AOC1: variants seen among roughly 807,000 people sequenced by gnomAD.
AOC1 encodes amine oxidase copper containing 1.
In AOC1, 58 loss-of-function variants were observed where a neutral mutation model predicts 57.1. The ratio of observed to expected loss-of-function variants is 1.02; its 90% CI spans 0.82 to 1.26. AOC1 has a LOEUF of 1.26. Among genes scored for constraint, AOC1 ranks in the 50% most tolerant of loss-of-function variants. The pLI, the probability that AOC1 is intolerant of heterozygous loss-of-function variation, is 0.00. For missense variants in AOC1, 917 were observed against 1,005.3 expected (o/e 0.91, Z 1.19); for synonymous variants, 401 against 423.4 (o/e 0.95, Z 0.65).
At position 150,857,484 on chromosome 7, in the gene AOC1, C is replaced by T. The variant is rs201287293; in HGVS notation, c.1014C>T (p.Asn338=). 5.0e-6 allele frequency: 8 copies of T among 1,613,218 alleles called. No homozygotes were observed. The highest frequency in any genetic ancestry group is 1.3e-5 in the African/African-American group (1 of 74,932). The part of the protein sequence containing the change: ...LRSSSGLQVL[N]VHFGGERIAY... ...CCTCCTCCGGGCTGCAGGTCCTGAA[C>T]GTGCACTTCGGCGGAGAGCGCATTG... Residue 338 remains asparagine (N), a synonymous_variant, in exon 2 of 5, where the codon AAC becomes AAT. Transcript: ENST00000360937. The surrounding 1 kb of genome is among the most constrained non-coding windows in gnomAD (Gnocchi z 6.6).
At position 150,861,214 on chromosome 7, in the gene AOC1, C is replaced by A; in HGVS notation, c.*5C>A. 8 of 1,560,130 alleles carry A rather than the reference C, an allele frequency of 5.1e-6. No individual in the cohort carries two copies. Among genetic ancestry groups the A allele is most frequent in the Non-Finnish European group, 7.0e-6 (8 of 1,145,938 alleles). On this transcript the variant is annotated 3_prime_UTR_variant, in exon 5 of 5. Coordinates refer to ENST00000360937, the MANE Select transcript of AOC1 (RefSeq NM_001091.4). This position sits in a 1 kb window ranked among gnomAD's most constrained non-coding sequence, Gnocchi z 4.5. ...GGGACCTATAGACCTGTGTGACCAG[C>A]CCCCAGTTCCTCCCCCAGTTCCTCC...
At chr7:150,854,512 C>T (rs992987554) in intron 1 of AOC1, among the ~76,000 whole-genome samples, 17 of 152,174 alleles carry the variant, frequency 1.1e-4, no homozygotes, top group Non-Finnish European at 2.9e-5. Context: ...GGGCCAAAAA[C>T]AGCATTCCTC....
Position 150,861,065 on chromosome 7 carries a change from G to GGACC in AOC1, c.2113_2116dup (p.Pro706ArgfsTer28). The stretch of plus-strand genomic sequence containing the variant: ...TCCGGCCATTCAACTTCTTCCCAGA[G>GGACC]GACCCCTCCCTGGCATCCAGAGACA... On this transcript the variant is annotated frameshift_variant, in exon 5 of 5. Coordinates refer to ENST00000360937, the MANE Select transcript of AOC1 (RefSeq NM_001091.4). LOFTEE classifies it high-confidence loss of function. The surrounding 1 kb of genome is among the most constrained non-coding windows in gnomAD (Gnocchi z 4.5). 1.2e-6 allele frequency: 2 copies of GGACC among 1,614,108 alleles called. No homozygotes were observed. Among genetic ancestry groups the GGACC allele is most frequent in the Non-Finnish European group, 1.7e-6 (2 of 1,179,996 alleles).
chr7:150,858,779 C>A lies in AOC1; in HGVS notation c.1587C>A (p.Phe529Leu), dbSNP rs2116839829. 6.2e-7 allele frequency: 1 copy of A among 1,606,790 alleles called. No homozygotes were observed. Among genetic ancestry groups the A allele is most frequent in the Non-Finnish European group, 8.5e-7 (1 of 1,174,090 alleles). ...DLDVAGTKNS[F>L]QTLQMKLENI... is the part of the protein sequence containing the mutation. ...TACCTCCAGGCACCAAGAACAGCTT[C>A]CAGACACTGCAGATGAAGCTAGAAA... The change falls in exon 3 of 5, where the codon TTC (phenylalanine) becomes TTA (leucine). Residue 529 changes from phenylalanine to leucine, a missense_variant. Transcript: ENST00000360937.
Position 150,857,564 on chromosome 7 carries a change from C to T in AOC1, c.1094C>T (p.Ala365Val). 1 of 1,614,018 alleles carries T rather than the reference C, an allele frequency of 6.2e-7. No individual in the cohort carries two copies. Among genetic ancestry groups the T allele is most frequent in the Non-Finnish European group, 8.5e-7 (1 of 1,179,994 alleles). Residue 365 changes from alanine to valine, a missense_variant, in exon 2 of 5, where the codon GCA becomes GTA. Ala to Val is a moderately conservative substitution (Grantham distance 64). Transcript: ENST00000360937. The surrounding 1 kb of genome is among the most constrained non-coding windows in gnomAD (Gnocchi z 6.6). ...GCGCTGTATGGAGGACACACACCTG[C>T]AGGCATGCAGACCAAGTACCTCGAT... ...AVALYGGHTP[A>V]GMQTKYLDVG...
chr7:150,859,882 G>A, intron 3 of AOC1: 1 of 154,538 alleles, frequency 6.5e-6, no homozygotes. Context: ...AACTCCAAAT[G>A]AAAGTGGACT....
At position 150,861,356 on chromosome 7, in the gene AOC1, G is replaced by GCACACACACACAGACGTGCA; in HGVS notation, c.*157_*158insCAGACGTGCACACACACACA. On this transcript the variant is annotated 3_prime_UTR_variant, in exon 5 of 5. Coordinates refer to ENST00000360937, the MANE Select transcript of AOC1 (RefSeq NM_001091.4). The surrounding 1 kb of genome is among the most constrained non-coding windows in gnomAD (Gnocchi z 4.5). ...GTGTAGGAAACACACGAACAGACGT[G>GCACACACACACAGACGTGCA]CACACACACAGACGTGCACACACAC... The GCACACACACACAGACGTGCA allele has an allele frequency of 3.8e-6, 3 of 779,592 alleles. No individual in the cohort carries two copies. The highest frequency in any genetic ancestry group is 5.9e-6 in the Non-Finnish European group (3 of 508,460). The allele number at this position is 779,592 out of a possible 1,614,324, so 48.3% of individuals were successfully genotyped here. A position where few individuals can be genotyped will look rare whatever the true frequency, so the allele number is the denominator to read the frequency against.
At chr7:150,852,349 G>T (rs1446317225), upstream of AOC1, 1 of 152,272 alleles carries the variant, frequency 6.6e-6, no homozygotes, top group Non-Finnish European at 1.5e-5. The surrounding 1 kb of genome is among the most constrained non-coding windows in gnomAD (Gnocchi z 4.6). Flanking sequence ...CTCAGGACAA[G>T]TGTGCTGCAC....
At position 150,856,433 on chromosome 7, in the gene AOC1, C is replaced by A; in HGVS notation, c.-16-22C>A. The A allele has an allele frequency of 6.4e-7, 1 of 1,574,072 alleles. No individual in the cohort carries two copies. Among genetic ancestry groups the A allele is most frequent in the Non-Finnish European group, 8.6e-7 (1 of 1,163,958 alleles). ...TCTCTGCCCATAAGACAACTAAGTT[C>A]ATCTCCTCTATTGCATTCCAGAGCC... On this transcript the variant is annotated intron_variant, in intron 1 of 4. Transcript: ENST00000360937. The surrounding 1 kb of genome is among the most constrained non-coding windows in gnomAD (Gnocchi z 5.2).
In AOC1 at chr7:150,860,562, C is replaced by T; in HGVS notation, c.1918C>T (p.Gln640Ter). 6.2e-7 allele frequency: 1 copy of T among 1,614,082 alleles called. No homozygotes were observed. Among genetic ancestry groups the T allele is most frequent in the Non-Finnish European group, 8.5e-7 (1 of 1,179,950 alleles). ...SELCSSSIYH[Q>*]NDPWHPPVVF... ...GCTGTGCAGCAGCAGCATCTACCAC[C>T]AGAACGACCCCTGGCACCCGCCCGT... Residue 640 changes from glutamine (Q) to a stop codon, truncating the protein, a stop_gained, in exon 4 of 5, where the codon CAG becomes TAG. Coordinates refer to ENST00000360937, the MANE Select transcript of AOC1 (RefSeq NM_001091.4). LOFTEE classifies it high-confidence loss of function.
Position 150,857,177 on chromosome 7 carries a change from T to C in AOC1, c.707T>C (p.Val236Ala), listed in dbSNP as rs1228795803. Residue 236 changes from valine (V) to alanine (A), a missense_variant, in exon 2 of 5, where the codon GTG (valine) becomes GCG (alanine). Val to Ala is a moderately conservative substitution (Grantham distance 64). Coordinates refer to ENST00000360937, the MANE Select transcript of AOC1 (RefSeq NM_001091.4). The surrounding 1 kb of genome is among the most constrained non-coding windows in gnomAD (Gnocchi z 6.6). ...TDAGHWAVEQ[V>A]WYNGKFYGSP... ...GCTGGGCACTGGGCCGTGGAGCAGG[T>C]GTGGTACAACGGGAAGTTCTATGGG... The C allele has an allele frequency of 6.2e-7, 1 of 1,613,632 alleles. No individual in the cohort carries two copies. Among genetic ancestry groups the C allele is most frequent in the South Asian group, 1.1e-5 (1 of 91,054 alleles).
At chr7:150,854,836 G>A (rs45506794) in intron 1 of AOC1, among the ~76,000 whole-genome samples, 156 of 152,302 alleles carry the variant, frequency 1.0e-3, no homozygotes, top group Non-Finnish European at 1.7e-3. Context: ...ACCCTGTGCC[G>A]CCGACTTTCC....
chr7:150,858,038 C>A lies in AOC1; in HGVS notation c.1568C>A (p.Ala523Glu). ...CACTACCGCGTAGACCTGGATGTGG[C>A]AGGTAGGACTCAAAGCGAGACTCTC... ...LVHYRVDLDV[A>E]GTKNSFQTLQ... Residue 523 changes from alanine to glutamate, a missense_variant and splice_region_variant, in exon 2 of 5, where the codon GCA (alanine) becomes GAA (glutamate). Physicochemically the swap from Ala to Glu is moderately radical, Grantham distance 107. Coordinates refer to ENST00000360937, the MANE Select transcript of AOC1 (RefSeq NM_001091.4). The A allele has an allele frequency of 6.6e-7, 1 of 1,510,188 alleles. No individual in the cohort carries two copies. 93.5% of individuals were successfully genotyped at this position (1,510,188 alleles called of 1,614,324 possible). A position where few individuals can be genotyped will look rare whatever the true frequency, so the allele number is the denominator to read the frequency against.
chr7:150,858,908 G>A lies in AOC1; in HGVS notation c.1716G>A (p.Lys572=). The change falls in exon 3 of 5, where the codon AAG becomes AAA. Residue 572 remains lysine (K), a synonymous_variant. Transcript: ENST00000360937. ...AGGCGGCCTTCCGCTTCAAAAGGAA[G>A]CTGCCTAAGTACCTGCTCTTTACCA... The part of the protein sequence containing the change: ...ERQAAFRFKR[K]LPKYLLFTSP... 1.2e-6 allele frequency: 2 copies of A among 1,613,460 alleles called. No homozygotes were observed. Among genetic ancestry groups the A allele is most frequent in the African/African-American group, 2.7e-5 (2 of 75,018 alleles).
rs1221607669 is a variant in AOC1, at chr7:150,856,289, C to T, written c.-16-166C>T. Among the ~76,000 whole-genome samples, 7 of 152,164 alleles carry T rather than the reference C, an allele frequency of 4.6e-5. No individual in the cohort carries two copies. Among genetic ancestry groups the T allele is most frequent in the African/African-American group, 7.2e-5 (3 of 41,440 alleles). ...GGATGCACAGGCAGCGGCCCGACGGCGCTGGGGACTATGCATGGGGCCCCA... is the reference window on the plus strand; with the variant it reads ...GGATGCACAGGCAGCGGCCCGACGGTGCTGGGGACTATGCATGGGGCCCCA... On this transcript the variant is annotated intron_variant, in intron 1 of 4. Coordinates refer to ENST00000360937, the MANE Select transcript of AOC1 (RefSeq NM_001091.4). The surrounding 1 kb of genome is among the most constrained non-coding windows in gnomAD (Gnocchi z 5.2).
At chr7:150,858,348 G>A (rs1184538188) in intron 2 of AOC1, among the ~76,000 whole-genome samples, 1 of 152,110 alleles carries the variant, frequency 6.6e-6, no homozygotes, top group Non-Finnish European at 1.5e-5. Context: ...GAGATGGAGT[G>A]TAGTATTGTC....
chr7:150,857,715 C>T lies in AOC1; in HGVS notation c.1245C>T (p.Ala415=), dbSNP rs1003622603. 6.2e-7 allele frequency: 1 copy of T among 1,614,164 alleles called. No individual in the cohort carries two copies. ...ATGACCCGGTCCATTATCCCCGAGC[C>T]CTCTGCCTCTTTGAAATGCCCACAG... is the stretch of plus-strand genomic sequence containing the variant. ...DADDPVHYPR[A]LCLFEMPTGV... Residue 415 remains alanine, a synonymous_variant, in exon 2 of 5, where the codon GCC becomes GCT. Coordinates refer to ENST00000360937, the MANE Select transcript of AOC1 (RefSeq NM_001091.4). This position sits in a 1 kb window ranked among gnomAD's most constrained non-coding sequence, Gnocchi z 6.6.
intron 1 of AOC1, among the ~76,000 whole-genome samples, chr7:150,853,386 T>C (rs940150643): frequency 4.6e-5 from 7 of 152,052 alleles, no homozygotes; most frequent in African/African-American, 1.7e-4. Flanking sequence ...TACCTTTCGC[T>C]CAATTTTGCT....
intron 1 of AOC1, among the ~76,000 whole-genome samples, chr7:150,855,151 G>C (rs1472607255): frequency 1.4e-4 from 21 of 152,198 alleles, no homozygotes. Flanking sequence ...CTGAGACAGG[G>C]AGGAATCCTG....
Sources: gnomAD v4.1 joint callset for allele counts (sites outside exome capture counted in the v4.1 genomes callset) on GRCh38, gnomAD v4.1.1 for gene constraint, Gnocchi (gnomAD v3.1) non-coding constraint, MANE v1.5 for transcripts, NCBI Gene and HGNC (gene_info 2026-07-23, HGNC 2026-07-21) for gene names.